LAMA1: variants seen among roughly 807,000 people sequenced by gnomAD.
The protein encoded by LAMA1 is laminin subunit alpha-1.
Under a neutral mutation model 348.7 loss-of-function variants are expected in LAMA1, and 219 were observed. That is an observed-to-expected ratio of 0.63 (90% CI 0.56 to 0.70). The LOEUF is 0.70. Ranked by LOEUF, LAMA1 falls within the 30% of genes least tolerant of loss-of-function variation. LAMA1 has a pLI of 0.00. For synonymous variants in LAMA1, 1,487 were observed against 1,491.0 expected, an observed-to-expected ratio of 1.00 and a Z score of 0.06; for missense variants, 3,744 against 3,888.0, an observed-to-expected ratio of 0.96 and a Z score of 0.99.
At chr18:7,031,993 A>C in intron 16 of LAMA1, 73 bp downstream of exon 16, 1 of 1,298,370 alleles carries the variant, frequency 7.7e-7, no homozygotes, top group Admixed American at 1.7e-5. Context: ...CACTTAAAAA[A>C]AAATCACTTG....
At chr18:7,087,260 A>T (rs2058221548) in intron 1 of LAMA1, among the ~76,000 whole-genome samples, 1 of 152,346 alleles carries the variant, frequency 6.6e-6, no homozygotes, top group Non-Finnish European at 1.5e-5. Flanking sequence ...ATCCCTTCAT[A>T]GGTTAACCTT....
chr18:6,943,299 T>A lies in LAMA1; in HGVS notation c.8948A>T (p.Asn2983Ile), dbSNP rs2057508005. Residue 2983 changes from asparagine to isoleucine, a missense_variant, in exon 62 of 63, where the codon AAC becomes ATC. By Grantham distance (149) the Asn-to-Ile change is moderately radical. Around this residue, in one of 3 missense-constraint regions of LAMA1, gnomAD observed 232 missense variants for 264.4 expected, o/e 0.88. Coordinates refer to ENST00000389658, the MANE Select transcript of LAMA1 (RefSeq NM_005559.4). ...CAGAGTGATACGGTGTTTGCTTTTG[T>A]TAGCTTGAAGAGTGTGCCATTTTCC... ...CDGKWHTLQA[N>I]KSKHRITLIV... 2 of 1,614,212 alleles carry A rather than the reference T, an allele frequency of 1.2e-6. No individual in the cohort carries two copies. Among genetic ancestry groups the A allele is most frequent in the Non-Finnish European group, 8.5e-7 (1 of 1,180,042 alleles).
In LAMA1 at chr18:6,982,521, T is replaced by C. The variant is rs367596930; in HGVS notation, c.5866A>G (p.Asn1956Asp). ...QRSSRFLKEG[N>D]NLSRKLPGIA... is the part of the protein sequence containing the mutation. Reference sequence around the variant, plus strand: ...CCTGGAAGCTTCCTGCTGAGGTTGTTGCCTTCTTTTAGAAATCTGGAGCTG... The same window carrying C: ...CCTGGAAGCTTCCTGCTGAGGTTGTCGCCTTCTTTTAGAAATCTGGAGCTG... The change falls in exon 41 of 63, where the codon AAC becomes GAC. Residue 1956 changes from asparagine to aspartate, a missense_variant. By Grantham distance (23) the Asn-to-Asp change is conservative. Coordinates refer to ENST00000389658, the MANE Select transcript of LAMA1 (RefSeq NM_005559.4). 32 of 1,614,082 alleles carry C rather than the reference T, an allele frequency of 2.0e-5. No individual in the cohort carries two copies. The highest frequency in any genetic ancestry group is 2.6e-5 in the Non-Finnish European group (31 of 1,180,048).
Position 7,104,112 on chromosome 18 carries a change from G to A in LAMA1, c.61+13548C>T, listed in dbSNP as rs558167984. On this transcript the variant is annotated intron_variant, in intron 1 of 62. Coordinates refer to ENST00000389658, the MANE Select transcript of LAMA1 (RefSeq NM_005559.4). ...CTCTGCCTCAGCTTCCTGAGTAGCT[G>A]GGATTACAGGCGACCGCCACCACGC... Among the ~76,000 whole-genome samples the A allele has an allele frequency of 8.6e-5, 13 of 152,012 alleles. No individual in the cohort carries two copies. The South Asian group carries it at 2.3e-3, about 27-fold the overall frequency.
intron 12 of LAMA1, among the ~76,000 whole-genome samples, chr18:7,037,009 G>C (rs1477118250): frequency 6.6e-6 from 1 of 152,150 alleles, no homozygotes; most frequent in African/African-American, 2.4e-5. Flanking sequence ...GAAGGCCCAA[G>C]CCTACAAACC....
chr18:6,994,454 C>T (rs1238486701), intron 34 of LAMA1, among the ~76,000 whole-genome samples: 4 of 152,282 alleles, frequency 2.6e-5, no homozygotes, highest in South Asian at 4.1e-4. Flanking sequence ...AAGAGAATAA[C>T]GGATACAGAG....
At chr18:7,059,291 T>C (rs2058094122) in intron 3 of LAMA1, among the ~76,000 whole-genome samples, 1 of 152,216 alleles carries the variant, frequency 6.6e-6, no homozygotes, top group Non-Finnish European at 1.5e-5. Flanking sequence ...GGATTTAAGG[T>C]TGGCTGAACA....
chr18:7,037,574 G>A lies in LAMA1; in HGVS notation c.1737+4C>T, dbSNP rs531498406. ...GACATCGCTACCTGCAGGGTCACACGCACCTTATTTCCAAGGTAGGCCTCG... is the reference window on the plus strand; with the variant it reads ...GACATCGCTACCTGCAGGGTCACACACACCTTATTTCCAAGGTAGGCCTCG... On this transcript the variant is annotated splice_donor_region_variant and intron_variant, in intron 12 of 62. Coordinates refer to ENST00000389658, the MANE Select transcript of LAMA1 (RefSeq NM_005559.4). 27 of 1,613,832 alleles carry A rather than the reference G, an allele frequency of 1.7e-5. No homozygotes were observed. The highest frequency in any genetic ancestry group is 1.7e-4 in the Middle Eastern group (1 of 6,034).
At chr18:7,077,551 C>T (rs1329863112) in intron 3 of LAMA1, among the ~76,000 whole-genome samples, 1 of 152,030 alleles carries the variant, frequency 6.6e-6, no homozygotes, top group African/African-American at 2.4e-5. Context: ...AAAATGGAGA[C>T]TGCCTTCTGG....
In LAMA1 at chr18:7,016,657, C is replaced by T. The variant is rs777716936; in HGVS notation, c.2823G>A (p.Gly941=). ...GCCGGCAGCCATGGCCTGAGTCCAG[C>T]CCATAATAGCCATGCTGTTTCACCA... The part of the protein sequence containing the change: ...QCDQCLHGYY[G]LDSGHGCRPC... The change falls in exon 21 of 63, where the codon GGG becomes GGA. Residue 941 remains glycine, a synonymous_variant. Transcript: ENST00000389658. The T allele has an allele frequency of 6.2e-7, 1 of 1,612,948 alleles. No individual in the cohort carries two copies. Among genetic ancestry groups the T allele is most frequent in the African/African-American group, 1.3e-5 (1 of 74,922 alleles).
intron 29 of LAMA1, among the ~76,000 whole-genome samples, chr18:7,003,041 T>G (rs2057815091): frequency 6.6e-6 from 1 of 150,856 alleles, no homozygotes; most frequent in African/African-American, 2.4e-5. Flanking sequence ...CCACCATGTT[T>G]GTCTAACTTT....
chr18:6,981,600 G>A (rs1568017195), intron 41 of LAMA1, among the ~76,000 whole-genome samples: 1 of 152,138 alleles, frequency 6.6e-6, no homozygotes, highest in Non-Finnish European at 1.5e-5. Context: ...TGTACAGACT[G>A]AAATTACAGC....
chr18:7,035,952 A>G (rs1283829845), intron 13 of LAMA1, 35 bp downstream of exon 13: 2 of 1,534,758 alleles, frequency 1.3e-6, no homozygotes, highest in East Asian at 2.2e-5. Context: ...ACTAAGCCCT[A>G]AGCTCTATAG....
rs185452861 is a variant in LAMA1 at position 7,089,664 on chromosome 18, T to C, written c.62-9207A>G. On this transcript the variant is annotated intron_variant, in intron 1 of 62. Transcript: ENST00000389658. ...CCCCTGTTGCCTGAGCGAGGTTTTA[T>C]TTCTCCTGGGGAATAAAATCACCCT... 8.7e-4 allele frequency among the ~76,000 whole-genome samples: 133 copies of C among 152,346 alleles called. 1 individual carries two copies. In the East Asian group the frequency reaches 0.025, roughly 29 times the overall value.
chr18:6,957,342 C>A (rs375544702), intron 55 of LAMA1: 2 of 153,864 alleles, frequency 1.3e-5, no homozygotes, highest in South Asian at 2.0e-4. Context: ...GAGGATGCCT[C>A]ATGAATGAAT....
chr18:6,949,613 A>G (rs746246730), intron 58 of LAMA1, among the ~76,000 whole-genome samples: 8 of 152,224 alleles, frequency 5.3e-5, no homozygotes, highest in Non-Finnish European at 1.2e-4. Flanking sequence ...TGATAGTTTA[A>G]AACAAAGATG....
chr18:6,993,549 G>A (rs2057767540), intron 35 of LAMA1, 92 bp downstream of exon 35: 2 of 964,884 alleles, frequency 2.1e-6, no homozygotes, highest in Admixed American at 3.4e-5. Context: ...CCCGATGCAA[G>A]AGATATACAT....
intron 42 of LAMA1, among the ~76,000 whole-genome samples, chr18:6,979,410 G>A (rs1462915520): frequency 1.3e-5 from 2 of 152,172 alleles, no homozygotes; most frequent in Non-Finnish European, 2.9e-5. Context: ...GCTCACACTT[G>A]TAATCCCAGA....
chr18:6,965,364 G>T lies in LAMA1; in HGVS notation c.7119C>A (p.Pro2373=). Residue 2373 remains proline, a synonymous_variant, in exon 50 of 63, where the codon CCC becomes CCA. Coordinates refer to ENST00000389658, the MANE Select transcript of LAMA1 (RefSeq NM_005559.4). ...VKVMTDLGSG[P]ITLLTDRRYN... ...AACGTCTGTCTGTCAAAAGGGTAATGGGTCCTGAACCCAGGTCAGTCATAA... is the reference window on the plus strand; with the variant it reads ...AACGTCTGTCTGTCAAAAGGGTAATTGGTCCTGAACCCAGGTCAGTCATAA... 2 of 1,614,168 alleles carry T rather than the reference G, an allele frequency of 1.2e-6. No individual in the cohort carries two copies. The highest frequency in any genetic ancestry group is 1.7e-6 in the Non-Finnish European group (2 of 1,180,004).
Sources: allele counts gnomAD v4.1 joint callset (sites outside exome capture counted in the v4.1 genomes callset), GRCh38; gene constraint gnomAD v4.1.1; regional missense constraint gnomAD v4.1.1; transcripts MANE v1.5; gene names NCBI Gene and HGNC (gene_info 2026-07-23, HGNC 2026-07-21).